Variants in GNG2 observed in about 807,000 individuals in gnomAD.
GNG2 encodes the protein G protein subunit gamma 2, also known as guanine nucleotide-binding protein G(I)/G(S)/G(O) subunit gamma-2.
GNG2 carries 5 observed loss-of-function variants against 5.5 expected under a neutral mutation model. The observed-to-expected ratio is 0.91, with a 90% CI of 0.48 to 1.92. The LOEUF is 1.92. GNG2 is among the 30% of genes most tolerant of loss of function. The probability of loss-of-function intolerance (pLI) is 0.01; values close to 1 mark genes in which losing one functional copy is unlikely to be tolerated. For synonymous variants in GNG2, 28 were observed against 32.0 expected, an observed-to-expected ratio of 0.88 and a Z score of 0.42; for missense variants, 55 against 88.4, an observed-to-expected ratio of 0.62 and a Z score of 1.52.
chr14:51,863,622 A>G (rs1882672944), intron 1 of GNG2, among the ~76,000 whole-genome samples: 1 of 152,174 alleles, frequency 6.6e-6, no homozygotes, highest in African/African-American at 2.4e-5. Flanking sequence ...ACCACCGTCC[A>G]TCCATAGAAC....
chr14:51,853,977 G>A (rs555790036), intron 2 of GNG2, among the ~76,000 whole-genome samples: 1 of 150,550 alleles, frequency 6.6e-6, no homozygotes, highest in African/African-American at 2.4e-5. Context: ...TGCATCCTCT[G>A]CCTCCCAGGT....
chr14:51,950,420 G>T (rs1197654353), intron 2 of GNG2, among the ~76,000 whole-genome samples: 2 of 152,076 alleles, frequency 1.3e-5, no homozygotes, highest in African/African-American at 4.8e-5. Context: ...TTGTGTGTGT[G>T]TTTTTTTTCT....
chr14:51,918,340 C>T (rs1306894156), intron 2 of GNG2, among the ~76,000 whole-genome samples: 1 of 151,960 alleles, frequency 6.6e-6, no homozygotes, highest in East Asian at 1.9e-4. Flanking sequence ...ACATGAGTCC[C>T]AGCTGAGAGC....
At chr14:51,937,461 T>C (rs1371258853) in intron 2 of GNG2, among the ~76,000 whole-genome samples, 1 of 152,064 alleles carries the variant, frequency 6.6e-6, no homozygotes, top group East Asian at 1.9e-4. Context: ...GACACAAAAA[T>C]GTAAGCACTC....
chr14:51,862,421 A>G (rs531508599), intron 1 of GNG2, among the ~76,000 whole-genome samples: 2 of 152,242 alleles, frequency 1.3e-5, no homozygotes, highest in Non-Finnish European at 2.9e-5. Flanking sequence ...CTTAGAGAAG[A>G]GACCTAGGAT....
chr14:51,928,026 C>CTTTTT, intron 2 of GNG2, among the ~76,000 whole-genome samples: 1 of 103,052 alleles, frequency 9.7e-6, no homozygotes, highest in Non-Finnish European at 1.9e-5. Flanking sequence ...CTCTCTCTCT[C>CTTTTT]TTTTTTTTTT....
intron 1 of GNG2, among the ~76,000 whole-genome samples, chr14:51,874,439 AAAAC>A (rs1883520606): frequency 6.6e-6 from 1 of 151,332 alleles, no homozygotes; most frequent in African/African-American, 2.4e-5. Flanking sequence ...AAAAAAAAAA[AAAAC>A]AGTCTGGCTG....
At chr14:51,873,638 C>T (rs75403264) in intron 1 of GNG2, among the ~76,000 whole-genome samples, 1,824 of 152,324 alleles carry the variant, frequency 0.012, 45 homozygotes, top group African/African-American at 0.041. Context: ...AAAATAGTTT[C>T]TTTCTCTGAT....
intron 2 of GNG2, among the ~76,000 whole-genome samples, chr14:51,914,932 T>C (rs1234474074): frequency 6.6e-6 from 1 of 152,242 alleles, no homozygotes; most frequent in African/African-American, 2.4e-5. Flanking sequence ...CCATCATGCC[T>C]TTCTGTCATG....
chr14:51,880,197 G>A (rs943815012), intron 2 of GNG2, among the ~76,000 whole-genome samples: 1 of 152,144 alleles, frequency 6.6e-6, no homozygotes, highest in Admixed American at 6.5e-5. Flanking sequence ...AGAGTATGCT[G>A]CTTTTGTCAT....
chr14:51,865,597 A>G lies in GNG2; in HGVS notation c.-71+4807A>G, dbSNP rs1010368791. ...ATAGGCCTGGAATTTAGAGTTAAAC[A>G]GTTCATTAATTCCTCACCTCCCAGT... is the stretch of plus-strand genomic sequence containing the variant. On this transcript the variant is annotated intron_variant, in intron 1 of 3. Transcript: ENST00000556766. Among the ~76,000 whole-genome samples the G allele has an allele frequency of 3.9e-5, 6 of 152,196 alleles. No homozygotes were observed. The East Asian group carries it at 1.2e-3, about 29-fold the overall frequency.
In GNG2 at chr14:51,969,067, G is replaced by C. The variant is rs952634064; in HGVS notation, c.*2380G>C. On this transcript the variant is annotated 3_prime_UTR_variant, in exon 4 of 4. Transcript: ENST00000556766. The stretch of plus-strand genomic sequence containing the variant: ...ACTTATTCAGGGGAAAAAGTCTTTC[G>C]ATTACTTATGCCTCTATAGAGCTTA... 6.6e-6 allele frequency: 1 copy of C among 152,030 alleles called. No homozygotes were observed. The highest frequency in any genetic ancestry group is 1.5e-5 in the Non-Finnish European group (1 of 67,996). 9.4% of individuals were successfully genotyped at this position (152,030 alleles called of 1,614,324 possible). A position where few individuals can be genotyped will look rare whatever the true frequency, so the allele number is the denominator to read the frequency against.
At chr14:51,852,765 G>A (rs1327434414) in intron 2 of GNG2, among the ~76,000 whole-genome samples, 3 of 152,196 alleles carry the variant, frequency 2.0e-5, no homozygotes, top group Non-Finnish European at 4.4e-5. Flanking sequence ...TAAAGTAACG[G>A]AAATCATTTT....
At chr14:51,896,021 C>T (rs1226951791) in intron 2 of GNG2, among the ~76,000 whole-genome samples, 1 of 152,196 alleles carries the variant, frequency 6.6e-6, no homozygotes, top group East Asian at 1.9e-4. Context: ...ATTGCCCAGT[C>T]TCGGATATGT....
At chr14:51,841,209 A>G (rs1335729243) in intron 2 of GNG2, among the ~76,000 whole-genome samples, 1 of 152,216 alleles carries the variant, frequency 6.6e-6, no homozygotes, top group Admixed American at 6.5e-5. Context: ...ATAGCACCAC[A>G]GGAGACCCCC....
intron 2 of GNG2, among the ~76,000 whole-genome samples, chr14:51,948,959 A>C (rs1888804257): frequency 6.6e-6 from 1 of 152,056 alleles, no homozygotes; most frequent in South Asian, 2.1e-4. Flanking sequence ...GTCTCTATTA[A>C]AAATACAAAA....
At chr14:51,890,406 A>G (rs1884772011) in intron 2 of GNG2, among the ~76,000 whole-genome samples, 1 of 152,218 alleles carries the variant, frequency 6.6e-6, no homozygotes, top group Non-Finnish European at 1.5e-5. Context: ...TCTTAAAGTG[A>G]AAGAAAGGTA....
chr14:51,870,621 G>T (rs1017654172), intron 1 of GNG2, among the ~76,000 whole-genome samples: 1 of 152,164 alleles, frequency 6.6e-6, no homozygotes, highest in Non-Finnish European at 1.5e-5. Context: ...TAGAGAGGTA[G>T]GTATTTTGTT....
rs556356946 is a variant in GNG2, at chr14:51,925,021, A to G, written c.-29-25629A>G. Among the ~76,000 whole-genome samples the G allele has an allele frequency of 2.6e-5, 4 of 152,332 alleles. No homozygotes were observed. In the East Asian group the frequency reaches 7.7e-4, roughly 29 times the overall value. ...ATAAAGGATTCAAAATCACAGCTAC[A>G]TAGGAGGGATAAGTTCCAGTGTTCC... is the stretch of plus-strand genomic sequence containing the variant. On this transcript the variant is annotated intron_variant, in intron 2 of 3. Coordinates refer to ENST00000556766, the MANE Select transcript of GNG2 (RefSeq NM_053064.5).
Sources: allele counts gnomAD v4.1 joint callset (sites outside exome capture counted in the v4.1 genomes callset), GRCh38; gene constraint gnomAD v4.1.1; transcripts MANE v1.5; gene names NCBI Gene and HGNC (gene_info 2026-07-23, HGNC 2026-07-21).